The following SGK1 variants were observed in gnomAD, a reference collection of about 807,000 sequenced individuals.
SGK1 encodes the protein serum/glucocorticoid regulated kinase 1, also known as serine/threonine-protein kinase Sgk1.
A neutral mutation model predicts 64.2 loss-of-function variants in SGK1; 26 were observed. That is an observed-to-expected ratio of 0.40 (90% CI 0.30 to 0.56). SGK1 has a LOEUF of 0.56. Among genes scored for constraint, SGK1 ranks in the 20% least tolerant of loss-of-function variants. The pLI is 0.38. For synonymous variants in SGK1, 265 were observed against 239.7 expected (o/e 1.11, Z -0.98); for missense variants, 519 against 645.6 (o/e 0.80, Z 2.12).
chr6:134,280,198 CAAAAAAAAA>C (rs1228218844), intron 1 of SGK1, among the ~76,000 whole-genome samples: 1 of 64,258 alleles, frequency 1.6e-5, no homozygotes, highest in Non-Finnish European at 2.9e-5. Context: ...GACACTGTCT[CAAAAAAAAA>C]AAAAAAAAAA....
intron 3 of SGK1, among the ~76,000 whole-genome samples, chr6:134,190,846 C>T (rs1488168524): frequency 6.6e-6 from 1 of 152,196 alleles, no homozygotes; most frequent in African/African-American, 2.4e-5. Context: ...AACAGACACA[C>T]TAGACTTAGC....
At chr6:134,214,779 G>A (rs533222376) in intron 2 of SGK1, among the ~76,000 whole-genome samples, 48 of 152,140 alleles carry the variant, frequency 3.2e-4, no homozygotes, top group Non-Finnish European at 5.9e-4. Flanking sequence ...AAATCCTCAT[G>A]GCTTCTAGAA....
chr6:134,262,972 T>A (rs1294427679), intron 1 of SGK1, among the ~76,000 whole-genome samples: 1 of 152,108 alleles, frequency 6.6e-6, no homozygotes, highest in Non-Finnish European at 1.5e-5. Flanking sequence ...GCCCAGCCTG[T>A]CTCCTCATTT....
In SGK1 at chr6:134,297,136, G is replaced by C. The variant is rs1407865053; in HGVS notation, c.69+20256C>G. The C allele has an allele frequency of 5.3e-6, 3 of 569,828 alleles. No homozygotes were observed. In the Admixed American group the frequency reaches 6.2e-5, roughly 12 times the overall value. 35.3% of individuals were successfully genotyped at this position (569,828 alleles called of 1,614,324 possible). A position where few individuals can be genotyped will look rare whatever the true frequency, so the allele number is the denominator to read the frequency against. On this transcript the variant is annotated intron_variant, in intron 1 of 13. Coordinates refer to ENST00000367858, the MANE Select transcript of SGK1 (RefSeq NM_001143676.3). ...CCGTAGCTGAGGCTGGGACTTGTGA[G>C]GCCCCCATAGGCTGAGCACAGACCA...
At position 134,304,533 on chromosome 6, in the gene SGK1, G is replaced by A. The variant is rs547809867; in HGVS notation, c.69+12859C>T. 8.5e-5 allele frequency among the ~76,000 whole-genome samples: 13 copies of A among 152,214 alleles called. No individual in the cohort carries two copies. The East Asian group carries it at 9.7e-4, about 11-fold the overall frequency. On this transcript the variant is annotated intron_variant, in intron 1 of 13. Coordinates refer to ENST00000367858, the MANE Select transcript of SGK1 (RefSeq NM_001143676.3). ...CGGGTGTGGTGGCAGACTGAGGCAG[G>A]AGAATTGCTTGAATCTGGGAGGCGG...
At chr6:134,296,495 C>T (rs2114785832) in intron 1 of SGK1, among the ~76,000 whole-genome samples, 1 of 152,166 alleles carries the variant, frequency 6.6e-6, no homozygotes, top group Admixed American at 6.5e-5. Context: ...ATGCTCACCA[C>T]TACACTGCCA....
chr6:134,298,454 A>G, intron 1 of SGK1: 2 of 850,856 alleles, frequency 2.4e-6, no homozygotes, highest in Non-Finnish European at 2.0e-6. Context: ...GGATGTTGGG[A>G]TCCACCTCCA....
At chr6:134,287,726 T>G (rs943463217) in intron 1 of SGK1, among the ~76,000 whole-genome samples, 1 of 152,160 alleles carries the variant, frequency 6.6e-6, no homozygotes, top group African/African-American at 2.4e-5. Context: ...AATATCAATT[T>G]GTACATTTTA....
chr6:134,182,994 T>C (rs902855008), intron 3 of SGK1, among the ~76,000 whole-genome samples: 4 of 152,208 alleles, frequency 2.6e-5, no homozygotes, highest in Admixed American at 6.5e-5. Flanking sequence ...TATAGACCTA[T>C]TGAGAGGGTG....
chr6:134,304,875 T>A (rs1777511857), intron 1 of SGK1, among the ~76,000 whole-genome samples: 2 of 152,174 alleles, frequency 1.3e-5, no homozygotes, highest in South Asian at 4.1e-4. Context: ...TTCACTGAAA[T>A]TTATATTTAA....
At chr6:134,242,211 C>G (rs766976850) in intron 2 of SGK1, among the ~76,000 whole-genome samples, 1 of 151,922 alleles carries the variant, frequency 6.6e-6, no homozygotes, top group Non-Finnish European at 1.5e-5. Context: ...TAAGGCTGGG[C>G]GCGGTGGCTC....
chr6:134,286,943 G>A (rs1166233289), intron 1 of SGK1, among the ~76,000 whole-genome samples: 1 of 152,126 alleles, frequency 6.6e-6, no homozygotes, highest in African/African-American at 2.4e-5. Flanking sequence ...GCATTTGGGA[G>A]TTGTATGTCT....
chr6:134,283,215 G>T (rs570232364), intron 1 of SGK1: 1 of 151,928 alleles, frequency 6.6e-6, no homozygotes, highest in African/African-American at 2.4e-5. Context: ...TACAGGCTGG[G>T]TGCGGTGGCT....
intron 3 of SGK1, chr6:134,174,907 C>G: frequency 6.4e-7 from 1 of 1,569,204 alleles, no homozygotes; most frequent in African/African-American, 1.4e-5. Context: ...GGCACCGCCG[C>G]GGGGGCGGGG....
Position 134,172,182 on chromosome 6 carries a change from A to T in SGK1, c.1071+11T>A. 6.2e-7 allele frequency: 1 copy of T among 1,613,156 alleles called. No homozygotes were observed. The highest frequency in any genetic ancestry group is 8.5e-7 in the Non-Finnish European group (1 of 1,179,658). ...GGGGTAAACCAGGCACCAAACCAAG[A>T]CAGCGCCTACCTCCGGCGTGCCACA... On this transcript the variant is annotated intron_variant, in intron 10 of 13. Coordinates refer to ENST00000367858, the MANE Select transcript of SGK1 (RefSeq NM_001143676.3).
chr6:134,231,641 C>T (rs2114713718), intron 2 of SGK1, among the ~76,000 whole-genome samples: 1 of 152,274 alleles, frequency 6.6e-6, no homozygotes, highest in South Asian at 2.1e-4. Context: ...TGCACAAAGC[C>T]ATCTTGACAC....
chr6:134,259,237 A>G (rs1021420620), intron 2 of SGK1, among the ~76,000 whole-genome samples: 1 of 152,208 alleles, frequency 6.6e-6, no homozygotes, highest in Non-Finnish European at 1.5e-5. Context: ...TGGGACATAG[A>G]GTAGGCCCTC....
At chr6:134,259,476 C>T (rs1404946425) in intron 2 of SGK1, among the ~76,000 whole-genome samples, 1 of 133,520 alleles carries the variant, frequency 7.5e-6, no homozygotes, top group African/African-American at 2.5e-5. Flanking sequence ...CCCATCTCTA[C>T]TAAAAAAAAA....
intron 1 of SGK1, among the ~76,000 whole-genome samples, chr6:134,288,503 T>C (rs1310785423): frequency 2.0e-5 from 3 of 152,210 alleles, no homozygotes; most frequent in Middle Eastern, 3.2e-3. Context: ...TTAGGCTTTC[T>C]AATGGGCAAA....
Sources: gnomAD v4.1 joint callset for allele counts (sites outside exome capture counted in the v4.1 genomes callset) on GRCh38, gnomAD v4.1.1 for gene constraint, MANE v1.5 for transcripts, NCBI Gene and HGNC (gene_info 2026-07-23, HGNC 2026-07-21) for gene names.